The following TIA1 variants were observed in gnomAD, a reference collection of about 807,000 sequenced individuals.
TIA1 encodes the protein TIA1 cytotoxic granule associated RNA binding protein.
Under a neutral mutation model 65.9 loss-of-function variants are expected in TIA1, and 23 were observed. That is an observed-to-expected ratio of 0.35 (90% CI 0.25 to 0.49). The LOEUF is 0.49. Ranked by LOEUF, TIA1 falls within the 20% of genes least tolerant of loss-of-function variation. The pLI, the probability that TIA1 is intolerant of heterozygous loss-of-function variation, is 0.98. For missense variants in TIA1, 371 were observed against 477.9 expected, an observed-to-expected ratio of 0.78 and a Z score of 2.09; for synonymous variants, 147 against 149.4, an observed-to-expected ratio of 0.98 and a Z score of 0.12.
At chr2:70,224,973 C>A (rs774233490) in intron 6 of TIA1, 55 of 1,031,828 alleles carry the variant, frequency 5.3e-5, no homozygotes, top group Non-Finnish European at 5.8e-5. Flanking sequence ...AGATGAATGG[C>A]TTTCTTTAAC....
At chr2:70,230,075 C>T (rs1685507761) in intron 3 of TIA1, among the ~76,000 whole-genome samples, 2 of 151,916 alleles carry the variant, frequency 1.3e-5, no homozygotes, top group East Asian at 3.9e-4. Flanking sequence ...AACCCTGTTT[C>T]TACTAAAAAT....
chr2:70,214,005 G>A (rs990253177), intron 12 of TIA1, among the ~76,000 whole-genome samples: 4 of 152,094 alleles, frequency 2.6e-5, no homozygotes, highest in African/African-American at 9.7e-5. Flanking sequence ...GTGTTTTTCA[G>A]AAATGTAAGT....
chr2:70,228,274 T>C (rs1360991078), intron 5 of TIA1: 5 of 1,199,608 alleles, frequency 4.2e-6, no homozygotes, highest in South Asian at 1.5e-5. Flanking sequence ...GTTAACACAA[T>C]TTACTGAAGC....
At chr2:70,248,766 G>A, upstream of TIA1, 1 of 393,260 alleles carries the variant, frequency 2.5e-6, no homozygotes, top group South Asian at 5.1e-5. Flanking sequence ...TCTTCCACCC[G>A]ACGCGAGGGA....
chr2:70,213,217 TGAAA>T (rs1270766673), intron 12 of TIA1, among the ~76,000 whole-genome samples: 2 of 152,034 alleles, frequency 1.3e-5, no homozygotes, highest in African/African-American at 4.8e-5. Flanking sequence ...AACCACTACC[TGAAA>T]GAGTCAGGTA....
chr2:70,214,200 A>G, intron 12 of TIA1, 149 bp downstream of exon 12: 3 of 825,736 alleles, frequency 3.6e-6, no homozygotes, highest in Non-Finnish European at 5.2e-6. Context: ...TTATTTTCTT[A>G]CTAAAAAACA....
intron 10 of TIA1, 190 bp downstream of exon 10, chr2:70,216,018 C>T: frequency 1.8e-6 from 1 of 560,034 alleles, no homozygotes; most frequent in Non-Finnish European, 3.1e-6. Flanking sequence ...TCCCAAAGTG[C>T]TGGGAATACA....
intron 1 of TIA1, among the ~76,000 whole-genome samples, chr2:70,244,401 T>G (rs1693294749): frequency 6.6e-6 from 1 of 152,162 alleles, no homozygotes; most frequent in African/African-American, 2.4e-5. Context: ...TATCCCCAGT[T>G]CCCAGAAGAC....
At chr2:70,238,317 C>A (rs1690059428) in intron 1 of TIA1, among the ~76,000 whole-genome samples, 1 of 115,642 alleles carries the variant, frequency 8.6e-6, no homozygotes, top group African/African-American at 3.5e-5. Flanking sequence ...GTCGCCCAGG[C>A]TGGAGTGCAG....
chr2:70,236,047 AG>A (rs759424175), intron 2 of TIA1, 31 bp downstream of exon 2: 1 of 1,337,644 alleles, frequency 7.5e-7, no homozygotes, highest in Non-Finnish European at 1.1e-6. Flanking sequence ...AAAAAAAAAA[AG>A]AATAAAGTTA....
chr2:70,232,695 C>T (rs1687038199), intron 2 of TIA1, among the ~76,000 whole-genome samples: 1 of 151,346 alleles, frequency 6.6e-6, no homozygotes, highest in African/African-American at 2.4e-5. Flanking sequence ...ATGGTGAAAC[C>T]TCATCTCTAC....
chr2:70,236,198 T>G, intron 1 of TIA1, 23 bp from the exon 2 acceptor site: 1 of 1,499,712 alleles, frequency 6.7e-7, no homozygotes, highest in Non-Finnish European at 9.2e-7. Flanking sequence ...GAGAAACAAT[T>G]TACCTTTTTT....
At chr2:70,234,453 A>C (rs1337545355) in intron 2 of TIA1, among the ~76,000 whole-genome samples, 1 of 152,244 alleles carries the variant, frequency 6.6e-6, no homozygotes, top group Admixed American at 6.5e-5. Flanking sequence ...ATAGAATAAA[A>C]GAACATAACT....
At chr2:70,214,138 G>A (rs897559228) in intron 12 of TIA1, among the ~76,000 whole-genome samples, 2 of 152,142 alleles carry the variant, frequency 1.3e-5, no homozygotes, top group African/African-American at 4.8e-5. Context: ...GTGTATATAA[G>A]AATGGCTAAG....
At chr2:70,242,264 G>A (rs1318351996) in intron 1 of TIA1, among the ~76,000 whole-genome samples, 1 of 152,012 alleles carries the variant, frequency 6.6e-6, no homozygotes, top group African/African-American at 2.4e-5. Flanking sequence ...TGGGAGCGGT[G>A]GCTCACGCCT....
intron 3 of TIA1, among the ~76,000 whole-genome samples, chr2:70,229,741 C>G (rs779465515): frequency 1.3e-5 from 2 of 152,032 alleles, no homozygotes. Context: ...GAGTTCAAGA[C>G]CAGCCTGGCC....
chr2:70,220,304 G>A (rs530667590), intron 7 of TIA1, among the ~76,000 whole-genome samples: 1 of 152,102 alleles, frequency 6.6e-6, no homozygotes, highest in Non-Finnish European at 1.5e-5. Context: ...AGCTACTTAG[G>A]AGGTTGTGAT....
chr2:70,224,531 C>T (rs1406937798), intron 7 of TIA1, 23 bp downstream of exon 7: 2 of 1,613,730 alleles, frequency 1.2e-6, no homozygotes, highest in South Asian at 2.2e-5. Flanking sequence ...AAGCATTATC[C>T]ATGCACTTCT....
intron 1 of TIA1, among the ~76,000 whole-genome samples, chr2:70,243,502 C>CTTA: frequency 6.6e-6 from 1 of 152,000 alleles, no homozygotes; most frequent in East Asian, 1.9e-4. Context: ...GCATCCTAAC[C>CTTA]TTATTATTAT....
Sources: allele counts gnomAD v4.1 joint callset (sites outside exome capture counted in the v4.1 genomes callset), GRCh38; gene constraint gnomAD v4.1.1; transcripts MANE v1.5; gene names NCBI Gene and HGNC (gene_info 2026-07-23, HGNC 2026-07-21).